Variants in GRID2 observed in about 807,000 individuals in gnomAD.
GRID2 encodes glutamate ionotropic receptor delta type subunit 2, also known as glutamate receptor ionotropic, delta-2.
GRID2 carries 33 observed loss-of-function variants against 114.8 expected under a neutral mutation model. That is an observed-to-expected ratio of 0.29 (90% CI 0.22 to 0.38). The LOEUF (loss-of-function observed/expected upper bound fraction) is 0.38. GRID2 is among the 10% of genes least tolerant of loss of function. GRID2 has a pLI of 1.00. For synonymous variants in GRID2, 505 were observed against 449.9 expected, an observed-to-expected ratio of 1.12 and a Z score of -1.55; for missense variants, 1,184 against 1,257.7, an observed-to-expected ratio of 0.94 and a Z score of 0.89.
At chr4:93,227,418 G>A (rs573852631) in intron 7 of GRID2, among the ~76,000 whole-genome samples, 4 of 151,904 alleles carry the variant, frequency 2.6e-5, no homozygotes, top group African/African-American at 9.7e-5. Context: ...TAGTAGAGAC[G>A]GGGTTTCATC....
At chr4:93,213,750 G>GAAAT (rs1396131099) in intron 5 of GRID2, among the ~76,000 whole-genome samples, 1 of 152,088 alleles carries the variant, frequency 6.6e-6, no homozygotes, top group Non-Finnish European at 1.5e-5. Context: ...TTTCTTCTGG[G>GAAAT]AAATGGCTGT....
At chr4:93,074,367 T>C (rs2089820) in intron 2 of GRID2, among the ~76,000 whole-genome samples, 65,867 of 151,976 alleles carry the variant, frequency 0.43, 14,684 homozygotes, top group Admixed American at 0.6. Flanking sequence ...CAAAAATAGA[T>C]TGAGCTATAT....
At chr4:92,311,640 A>AT (rs1007016996) in intron 1 of GRID2, among the ~76,000 whole-genome samples, 2 of 152,058 alleles carry the variant, frequency 1.3e-5, no homozygotes, top group African/African-American at 4.8e-5. Context: ...AGAGTACCTG[A>AT]TTTTTTTCAT....
chr4:92,738,424 T>C (rs1383862762), intron 2 of GRID2, among the ~76,000 whole-genome samples: 2 of 152,238 alleles, frequency 1.3e-5, no homozygotes, highest in East Asian at 3.9e-4. Context: ...TCCTTGGTTG[T>C]TGCAGTCCTT....
intron 2 of GRID2, among the ~76,000 whole-genome samples, chr4:92,991,003 G>A (rs1360622256): frequency 6.6e-6 from 1 of 152,124 alleles, no homozygotes; most frequent in African/African-American, 2.4e-5. Flanking sequence ...TAGCCATCTT[G>A]AATGTCAGCT....
At chr4:92,696,182 A>C (rs1343485353) in intron 2 of GRID2, among the ~76,000 whole-genome samples, 1 of 152,154 alleles carries the variant, frequency 6.6e-6, no homozygotes, top group African/African-American at 2.4e-5. Flanking sequence ...AAACCCCATT[A>C]CAGTCTAAGA....
At chr4:92,858,304 T>C (rs1300713272) in intron 2 of GRID2, among the ~76,000 whole-genome samples, 1 of 152,192 alleles carries the variant, frequency 6.6e-6, no homozygotes, top group Non-Finnish European at 1.5e-5. Context: ...CAAAATCGTG[T>C]GGAAAGGATT....
intron 2 of GRID2, among the ~76,000 whole-genome samples, chr4:92,890,265 T>C (rs1318609922): frequency 6.6e-6 from 1 of 152,200 alleles, no homozygotes; most frequent in Non-Finnish European, 1.5e-5. Flanking sequence ...AATTGACAAA[T>C]AGGATCTAAT....
chr4:93,325,227 G>T (rs1757698376), intron 8 of GRID2, among the ~76,000 whole-genome samples: 1 of 152,080 alleles, frequency 6.6e-6, no homozygotes, highest in Admixed American at 6.6e-5. Context: ...AGAGATTCTG[G>T]TATGTTATGT....
At chr4:92,989,076 G>A (rs563668729) in intron 2 of GRID2, among the ~76,000 whole-genome samples, 1 of 152,014 alleles carries the variant, frequency 6.6e-6, no homozygotes, top group Non-Finnish European at 1.5e-5. Flanking sequence ...CGGAGATGGA[G>A]ACCATCCTGA....
chr4:92,610,030 A>G (rs1729644712), intron 2 of GRID2, among the ~76,000 whole-genome samples: 1 of 151,662 alleles, frequency 6.6e-6, no homozygotes, highest in African/African-American at 2.4e-5. Context: ...CTTCTACAGT[A>G]GCAGAGTTTT....
chr4:92,499,001 G>T (rs1457302896), intron 1 of GRID2, among the ~76,000 whole-genome samples: 1 of 148,228 alleles, frequency 6.7e-6, no homozygotes, highest in Non-Finnish European at 1.5e-5. Flanking sequence ...TGAATAAAAA[G>T]AAAATTAGAT....
chr4:93,481,979 T>G (rs1725922650), intron 11 of GRID2, among the ~76,000 whole-genome samples: 1 of 152,056 alleles, frequency 6.6e-6, no homozygotes. Flanking sequence ...TTAATAATGG[T>G]AATATTCACT....
At chr4:93,656,125 T>C (rs1722969044) in intron 14 of GRID2, among the ~76,000 whole-genome samples, 1 of 151,860 alleles carries the variant, frequency 6.6e-6, no homozygotes, top group African/African-American at 2.4e-5. Flanking sequence ...AATATCCATT[T>C]TATTTGATAA....
chr4:92,910,976 T>C (rs1020580617), intron 2 of GRID2, among the ~76,000 whole-genome samples: 3 of 152,102 alleles, frequency 2.0e-5, no homozygotes, highest in Non-Finnish European at 2.9e-5. Context: ...ATATTTGTTA[T>C]ACTAGTTTCT....
chr4:93,366,240 G>A (rs1448471988), intron 8 of GRID2, among the ~76,000 whole-genome samples: 2 of 152,152 alleles, frequency 1.3e-5, no homozygotes. Context: ...AAAGCAAATG[G>A]GAGAAATAAT....
At chr4:93,112,019 A>C (rs1358694931) in intron 4 of GRID2, 2 of 152,142 alleles carry the variant, frequency 1.3e-5, no homozygotes, top group African/African-American at 2.4e-5. Flanking sequence ...GAGTTCAGCA[A>C]ATGACTTAGA....
intron 1 of GRID2, among the ~76,000 whole-genome samples, chr4:92,540,269 C>A (rs11933641): frequency 6.6e-6 from 1 of 151,994 alleles, no homozygotes; most frequent in Admixed American, 6.5e-5. Flanking sequence ...CCAAAAGCAA[C>A]GGCAACAAAA....
chr4:92,811,895 G>T (rs948579953), intron 2 of GRID2, among the ~76,000 whole-genome samples: 1 of 152,056 alleles, frequency 6.6e-6, no homozygotes, highest in Non-Finnish European at 1.5e-5. Flanking sequence ...CAATTTTAAA[G>T]ATGTACTTAT....
Sources: allele counts gnomAD v4.1 joint callset (sites outside exome capture counted in the v4.1 genomes callset), GRCh38; gene constraint gnomAD v4.1.1; transcripts MANE v1.5; gene names NCBI Gene and HGNC (gene_info 2026-07-23, HGNC 2026-07-21).